ALK: variants seen among roughly 807,000 people sequenced by gnomAD.
ALK encodes the protein ALK tyrosine kinase receptor.
Under a neutral mutation model 163.1 loss-of-function variants are expected in ALK, and 74 were observed. The observed-to-expected ratio is 0.45, with a 90% confidence interval of 0.38 to 0.55. The LOEUF (loss-of-function observed/expected upper bound fraction) is 0.55. Ranked by LOEUF, ALK falls within the 20% of genes least tolerant of loss-of-function variation. ALK has a pLI of 0.00. For missense variants in ALK, 2,063 were observed against 2,105.3 expected (o/e 0.98, Z 0.39); for synonymous variants, 960 against 843.2 (o/e 1.14, Z -2.40).
At chr2:29,546,141 C>A (rs1171628221) in intron 3 of ALK, among the ~76,000 whole-genome samples, 1 of 152,114 alleles carries the variant, frequency 6.6e-6, no homozygotes, top group Non-Finnish European at 1.5e-5. Flanking sequence ...TTTATATATT[C>A]CCTTTTAGAT....
intron 5 of ALK, among the ~76,000 whole-genome samples, chr2:29,331,511 T>A (rs1667438065): frequency 1.3e-5 from 2 of 152,220 alleles, no homozygotes; most frequent in Admixed American, 6.5e-5. Flanking sequence ...CATTTTAGGA[T>A]GTAAAATGTC....
intron 1 of ALK, among the ~76,000 whole-genome samples, chr2:29,861,015 TAAA>T (rs1666276897): frequency 1.3e-5 from 2 of 151,814 alleles, no homozygotes; most frequent in African/African-American, 4.8e-5. Context: ...TACAAAAAAA[TAAA>T]AAAAGTGGTT....
At chr2:29,229,664 C>A (rs1469920262) in intron 15 of ALK, among the ~76,000 whole-genome samples, 1 of 152,178 alleles carries the variant, frequency 6.6e-6, no homozygotes, top group Non-Finnish European at 1.5e-5. Context: ...TAAGACCCAC[C>A]TGATGGGGTT....
chr2:29,828,422 C>T (rs1437282978), intron 1 of ALK, among the ~76,000 whole-genome samples: 4 of 152,310 alleles, frequency 2.6e-5, no homozygotes, highest in Non-Finnish European at 5.9e-5. Flanking sequence ...ACTCATCTGA[C>T]AGAGGGCTAA....
At chr2:29,198,990 G>GCAC (rs1230733372) in intron 26 of ALK, among the ~76,000 whole-genome samples, 2 of 147,420 alleles carry the variant, frequency 1.4e-5, no homozygotes. Flanking sequence ...GTCTCACTCT[G>GCAC]TTACTCAGGC....
chr2:29,761,631 T>G (rs1256906501), intron 1 of ALK, among the ~76,000 whole-genome samples: 3 of 152,246 alleles, frequency 2.0e-5, no homozygotes, highest in African/African-American at 7.2e-5. Context: ...CCTCTTCTGC[T>G]GTCTGCTGGG....
intron 8 of ALK, among the ~76,000 whole-genome samples, chr2:29,300,944 T>C (rs1181050872): frequency 6.6e-6 from 1 of 152,150 alleles, no homozygotes; most frequent in Non-Finnish European, 1.5e-5. Context: ...CAAGAAGTGA[T>C]GACTTTAAAG....
At chr2:29,799,899 G>A (rs1217638471) in intron 1 of ALK, among the ~76,000 whole-genome samples, 5 of 152,194 alleles carry the variant, frequency 3.3e-5, no homozygotes, top group African/African-American at 1.2e-4. Flanking sequence ...AACTGTGGCC[G>A]AGCCAGCATC....
rs1400037080 is a variant in ALK at position 29,227,028 on chromosome 2, G to A, written c.2961C>T (p.Cys987=). 1.9e-6 allele frequency: 3 copies of A among 1,614,164 alleles called. No homozygotes were observed. Among genetic ancestry groups the A allele is most frequent in the Admixed American group, 3.3e-5 (2 of 60,026 alleles). ...GACATTCGTCTACCTCACAGTGACTGCAGTTTAGATAATGCTTAATATTCA... is the reference window on the plus strand; with the variant it reads ...GACATTCGTCTACCTCACAGTGACTACAGTTTAGATAATGCTTAATATTCA... ...GEVNIKHYLN[C]SHCEVDECHM... The change falls in exon 18 of 29, where the codon TGC becomes TGT. Residue 987 remains cysteine, a synonymous_variant. Coordinates refer to ENST00000389048, the MANE Select transcript of ALK (RefSeq NM_004304.5). The surrounding 1 kb of genome is among the most constrained non-coding windows in gnomAD (Gnocchi z 4.4).
chr2:29,760,307 T>C (rs1424116660), intron 1 of ALK, among the ~76,000 whole-genome samples: 1 of 152,236 alleles, frequency 6.6e-6, no homozygotes, highest in African/African-American at 2.4e-5. Flanking sequence ...CAACACTTAC[T>C]AACTGGGCAA....
At chr2:29,290,152 G>A (rs1159198588) in intron 9 of ALK, among the ~76,000 whole-genome samples, 1 of 152,188 alleles carries the variant, frequency 6.6e-6, no homozygotes, top group African/African-American at 2.4e-5. Flanking sequence ...AAGGAGGGGA[G>A]GAAGGACCTC....
intron 27 of ALK, 141 bp downstream of exon 27, chr2:29,197,401 G>C (rs2148142723): frequency 7.8e-7 from 1 of 1,274,786 alleles, no homozygotes; most frequent in Non-Finnish European, 1.1e-6. Context: ...TGAAGTCGCA[G>C]TCACATTCGC....
intron 3 of ALK, among the ~76,000 whole-genome samples, chr2:29,638,736 G>A (rs572075866): frequency 1.1e-4 from 16 of 152,262 alleles, no homozygotes; most frequent in African/African-American, 3.1e-4. Flanking sequence ...GGGCTGTAGA[G>A]GATCTGCCTA....
At chr2:29,403,004 T>A (rs1313250829) in intron 4 of ALK, among the ~76,000 whole-genome samples, 1 of 152,186 alleles carries the variant, frequency 6.6e-6, no homozygotes, top group Non-Finnish European at 1.5e-5. Context: ...GGGGGCATGG[T>A]GCTTTCTGCA....
intron 8 of ALK, among the ~76,000 whole-genome samples, chr2:29,312,200 A>G (rs1371188762): frequency 6.6e-6 from 1 of 152,112 alleles, no homozygotes; most frequent in East Asian, 1.9e-4. Context: ...CTAAAGTCAG[A>G]TAAGAAGATA....
intron 3 of ALK, among the ~76,000 whole-genome samples, chr2:29,660,660 G>A (rs1194210097): frequency 5.8e-5 from 8 of 137,474 alleles, no homozygotes; most frequent in Non-Finnish European, 8.1e-5. Flanking sequence ...GGAGAGAAAC[G>A]GCCCAGGGAG....
chr2:29,285,751 C>T (rs528101426), intron 9 of ALK, among the ~76,000 whole-genome samples: 28 of 152,024 alleles, frequency 1.8e-4, no homozygotes, highest in African/African-American at 3.9e-4. Flanking sequence ...TTAGTAAAGA[C>T]GGGGTTTTAC....
rs570226476 is a variant in ALK at position 29,355,045 on chromosome 2, C to T, written c.1283-26564G>A. On this transcript the variant is annotated intron_variant, in intron 5 of 28. Transcript: ENST00000389048. ...CCTCCCAAAGTGCTGGGATTATAGG[C>T]GTGAGCCACTACGCCCGGCCAGCCC... 4.7e-4 allele frequency among the ~76,000 whole-genome samples: 72 copies of T among 152,276 alleles called. No individual in the cohort carries two copies. The South Asian group carries it at 0.012, about 26-fold the overall frequency.
chr2:29,880,339 G>A (rs552654012), intron 1 of ALK, among the ~76,000 whole-genome samples: 1 of 152,322 alleles, frequency 6.6e-6, no homozygotes, highest in South Asian at 2.1e-4. Context: ...GGGCAGGAAT[G>A]GGGTGATGGT....
Sources: gnomAD v4.1 joint callset for allele counts (sites outside exome capture counted in the v4.1 genomes callset) on GRCh38, gnomAD v4.1.1 for gene constraint, Gnocchi (gnomAD v3.1) non-coding constraint, MANE v1.5 for transcripts, NCBI Gene and HGNC (gene_info 2026-07-23, HGNC 2026-07-21) for gene names.